The following ECE1 variants were observed in gnomAD, a reference collection of about 807,000 sequenced individuals.
The protein encoded by ECE1 is endothelin converting enzyme 1.
A neutral mutation model predicts 98.6 loss-of-function variants in ECE1; 35 were observed. The observed-to-expected ratio is 0.35, with a 90% confidence interval of 0.27 to 0.47. The LOEUF (loss-of-function observed/expected upper bound fraction) is 0.47, where lower values mean the gene tolerates loss of function less well. Among genes scored for constraint, ECE1 ranks in the 20% least tolerant of loss-of-function variants. The pLI is 1.00. For synonymous variants in ECE1, 394 were observed against 407.1 expected, an observed-to-expected ratio of 0.97 and a Z score of 0.39; for missense variants, 814 against 1,025.3, an observed-to-expected ratio of 0.79 and a Z score of 2.81.
At chr1:21,262,608 C>A (rs1050828041) in intron 4 of ECE1, among the ~76,000 whole-genome samples, 1 of 152,354 alleles carries the variant, frequency 6.6e-6, no homozygotes, top group Non-Finnish European at 1.5e-5. Context: ...TCTCCCTCCC[C>A]CAAGGCCACA....
At position 21,233,469 on chromosome 1, in the gene ECE1, A is replaced by G; in HGVS notation, c.1670+89T>C. On this transcript the variant is annotated intron_variant, in intron 14 of 18. Coordinates refer to ENST00000374893, the MANE Select transcript of ECE1 (RefSeq NM_001397.3). This position sits in a 1 kb window ranked among gnomAD's most constrained non-coding sequence, Gnocchi z 4.0. ...TCTCGTGATAGCTGATCGGGTGCAC[A>G]GTGAGGGTGCAATGAAGGCCAGTTC... The G allele has an allele frequency of 8.7e-7, 1 of 1,155,222 alleles. No individual in the cohort carries two copies. Among genetic ancestry groups the G allele is most frequent in the Non-Finnish European group, 1.3e-6 (1 of 776,884 alleles). 71.6% of individuals were successfully genotyped at this position (1,155,222 alleles called of 1,614,324 possible).
chr1:21,268,641 C>T (rs28367967), intron 4 of ECE1, among the ~76,000 whole-genome samples: 11,891 of 152,332 alleles, frequency 0.078, 633 homozygotes, highest in Middle Eastern at 0.13. Flanking sequence ...CTCCCCTCTC[C>T]GCCTAGAGGG....
intron 2 of ECE1, among the ~76,000 whole-genome samples, chr1:21,280,721 G>A (rs2098253468): frequency 6.6e-6 from 1 of 152,204 alleles, no homozygotes; most frequent in Non-Finnish European, 1.5e-5. Flanking sequence ...AGAGCCCTGA[G>A]GGAGTCCCAC....
chr1:21,276,736 A>C (rs1376737433), intron 3 of ECE1, among the ~76,000 whole-genome samples: 2 of 137,446 alleles, frequency 1.5e-5, no homozygotes, highest in Admixed American at 8.1e-5. Flanking sequence ...CCCAGGCTGG[A>C]GTGCAGTGGT....
intron 8 of ECE1, among the ~76,000 whole-genome samples, chr1:21,253,017 G>A (rs1358988528): frequency 6.6e-6 from 1 of 151,382 alleles, no homozygotes; most frequent in Non-Finnish European, 1.5e-5. Context: ...CAGGCTTCAG[G>A]GGGCCAGGAC....
At position 21,235,586 on chromosome 1, in the gene ECE1, C is replaced by T. The variant is rs28368020; in HGVS notation, c.1566+264G>A. On this transcript the variant is annotated intron_variant, in intron 13 of 18. Transcript: ENST00000374893. This position sits in a 1 kb window ranked among gnomAD's most constrained non-coding sequence, Gnocchi z 4.2. The stretch of plus-strand genomic sequence containing the variant: ...GAGCTGACCACTTCCAGGGGGCACA[C>T]AGCACGGGTTCTGTACTGACTGGTG... 1.2e-3 allele frequency among the ~76,000 whole-genome samples: 183 copies of T among 152,332 alleles called. No homozygotes were observed. Among genetic ancestry groups the T allele is most frequent in the African/African-American group, 4.3e-3 (178 of 41,572 alleles).
intron 1 of ECE1, among the ~76,000 whole-genome samples, chr1:21,343,502 T>C (rs1639441201): frequency 1.3e-5 from 2 of 152,210 alleles, no homozygotes; most frequent in South Asian, 2.1e-4. Context: ...GGTTAGATGT[T>C]AGGTAGAACT....
chr1:21,322,864 T>A lies in ECE1; in HGVS notation c.3+22512A>T, dbSNP rs1638994784. Among the ~76,000 whole-genome samples the A allele has an allele frequency of 6.6e-6, 1 of 152,028 alleles. No homozygotes were observed. The highest frequency in any genetic ancestry group is 1.5e-5 in the Non-Finnish European group (1 of 67,994). On this transcript the variant is annotated intron_variant, in intron 1 of 18. Transcript: ENST00000415912. The surrounding 1 kb of genome is among the most constrained non-coding windows in gnomAD (Gnocchi z 4.1). Reference sequence around the variant, plus strand: ...CACATGGATCCGCCCTCTGCTGGAATTTGTGCATGTTTGGTGAAAACCCCT... The same window carrying A: ...CACATGGATCCGCCCTCTGCTGGAAATTGTGCATGTTTGGTGAAAACCCCT...
chr1:21,225,318 G>A lies in ECE1; in HGVS notation c.1972C>T (p.Pro658Ser). The A allele has an allele frequency of 6.2e-7, 1 of 1,614,220 alleles. No homozygotes were observed. Among genetic ancestry groups the A allele is most frequent in the East Asian group, 2.2e-5 (1 of 44,882 alleles). ...CCCAGGGTGTGCCGCCCGTTCACCG[G>A]CTCCCCGTTCACGCTGTAGTTGCTG... The part of the protein sequence containing the change: ...QYSNYSVNGE[P>S]VNGRHTLGEN... Residue 658 changes from proline (P) to serine (S), a missense_variant, in exon 17 of 19, where the codon CCG becomes TCG. By Grantham distance (74) the Pro-to-Ser change is moderately conservative. Around this residue, in one of 3 missense-constraint regions of ECE1, gnomAD observed 452 missense variants for 567.3 expected, o/e 0.80. Coordinates refer to ENST00000374893, the MANE Select transcript of ECE1 (RefSeq NM_001397.3). The surrounding 1 kb of genome is among the most constrained non-coding windows in gnomAD (Gnocchi z 5.3).
At chr1:21,301,860 A>C (rs959835958) in intron 1 of ECE1, among the ~76,000 whole-genome samples, 4 of 149,392 alleles carry the variant, frequency 2.7e-5, no homozygotes, top group Non-Finnish European at 5.9e-5. Flanking sequence ...AAAAAGGCCA[A>C]TTCAACAGCC....
chr1:21,310,850 C>A (rs1464665172), intron 1 of ECE1, among the ~76,000 whole-genome samples: 1 of 152,102 alleles, frequency 6.6e-6, no homozygotes, highest in African/African-American at 2.4e-5. Flanking sequence ...GTGTAAGGGG[C>A]CAACCAGGAT....
At chr1:21,323,754 G>C (rs1294747462) in intron 1 of ECE1, among the ~76,000 whole-genome samples, 1 of 151,856 alleles carries the variant, frequency 6.6e-6, no homozygotes, top group Non-Finnish European at 1.5e-5. Flanking sequence ...ACTGTGGGAG[G>C]GGCTAAGGGG....
intron 4 of ECE1, among the ~76,000 whole-genome samples, chr1:21,271,294 C>T (rs1046824332): frequency 6.6e-6 from 1 of 152,168 alleles, no homozygotes; most frequent in Non-Finnish European, 1.5e-5. Flanking sequence ...GGAAAGGTCT[C>T]CTTCACCTGG....
At position 21,260,789 on chromosome 1, in the gene ECE1, G is replaced by C. The variant is rs1297932725; in HGVS notation, c.494-397C>G. Among the ~76,000 whole-genome samples, 3 of 152,094 alleles carry C rather than the reference G, an allele frequency of 2.0e-5. No individual in the cohort carries two copies. Among genetic ancestry groups the C allele is most frequent in the Non-Finnish European group, 4.4e-5 (3 of 68,042 alleles). ...GGCCGGTCTTGGTTTTCAGATACCAGATGATCTTTCTTGTGATAAAGACTG... is the reference window on the plus strand; with the variant it reads ...GGCCGGTCTTGGTTTTCAGATACCACATGATCTTTCTTGTGATAAAGACTG... On this transcript the variant is annotated intron_variant, in intron 4 of 18. Transcript: ENST00000374893. The surrounding 1 kb of genome is among the most constrained non-coding windows in gnomAD (Gnocchi z 4.3).
intron 2 of ECE1, chr1:21,279,576 T>C: frequency 6.9e-7 from 1 of 1,441,140 alleles, no homozygotes; most frequent in Non-Finnish European, 9.1e-7. Context: ...ACAGGCTTGT[T>C]TTTTTGTGTC....
At chr1:21,275,334 C>T (rs568340900) in intron 3 of ECE1, among the ~76,000 whole-genome samples, 63 of 152,250 alleles carry the variant, frequency 4.1e-4, no homozygotes, top group African/African-American at 1.5e-3. Flanking sequence ...GTGGCTCATG[C>T]CTGTAATCCC....
intron 8 of ECE1, among the ~76,000 whole-genome samples, chr1:21,249,265 C>T (rs1406989217): frequency 6.6e-6 from 1 of 151,664 alleles, no homozygotes; most frequent in African/African-American, 2.4e-5. Context: ...ATCGCTTGAA[C>T]CAGGGAGGCA....
intron 2 of ECE1, among the ~76,000 whole-genome samples, chr1:21,285,934 G>A (rs985598827): frequency 6.7e-6 from 1 of 150,156 alleles, no homozygotes; most frequent in African/African-American, 2.5e-5. Flanking sequence ...GGAGGTTGCA[G>A]TGAGCTGAGA....
chr1:21,342,659 G>A (rs1030684241), intron 1 of ECE1, among the ~76,000 whole-genome samples: 4 of 150,194 alleles, frequency 2.7e-5, no homozygotes, highest in East Asian at 2.0e-4. Context: ...CCCTGCAAAC[G>A]CGCCGCATTA....
Sources: gnomAD v4.1 joint callset for allele counts (sites outside exome capture counted in the v4.1 genomes callset) on GRCh38, gnomAD v4.1.1 for gene constraint, gnomAD v4.1.1 regional missense constraint, Gnocchi (gnomAD v3.1) non-coding constraint, MANE v1.5 for transcripts, NCBI Gene and HGNC (gene_info 2026-07-23, HGNC 2026-07-21) for gene names.